Variants in EIF3A observed in about 807,000 individuals in gnomAD.
The protein encoded by EIF3A is EIF3, p180 subunit.
Under a neutral mutation model 186.6 loss-of-function variants are expected in EIF3A, and 21 were observed. That is an observed-to-expected ratio of 0.11 (90% confidence interval 0.08 to 0.16). The LOEUF (loss-of-function observed/expected upper bound fraction) is 0.16, where lower values mean the gene tolerates loss of function less well. EIF3A is among the 10% of genes least tolerant of loss of function. The probability of loss-of-function intolerance (pLI) is 1.00; values close to 1 mark genes in which losing one functional copy is unlikely to be tolerated. For synonymous variants in EIF3A, 563 were observed against 584.3 expected, an observed-to-expected ratio of 0.96 and a Z score of 0.52; for missense variants, 1,306 against 1,796.3, an observed-to-expected ratio of 0.73 and a Z score of 4.93.
At chr10:119,075,666 A>ATATC (rs1166969733) in intron 1 of EIF3A, among the ~76,000 whole-genome samples, 7 of 137,356 alleles carry the variant, frequency 5.1e-5, no homozygotes, top group African/African-American at 8.0e-5. Flanking sequence ...ATATATATAT[A>ATATC]TCTCCTTTTT....
At chr10:119,037,061 C>CT in intron 21 of EIF3A, 58 bp downstream of exon 21, 1 of 37,594 alleles carries the variant, frequency 2.7e-5, no homozygotes, top group African/African-American at 8.1e-5. Context: ...TAACCCAAAT[C>CT]CCCCCCCCCC....
chr10:119,056,298 C>G (rs74157623), intron 14 of EIF3A, among the ~76,000 whole-genome samples: 9,570 of 152,212 alleles, frequency 0.063, 560 homozygotes, highest in African/African-American at 0.16. Flanking sequence ...TGTCCAGAAT[C>G]AGCAAATCTA....
rs539066982 is a variant in EIF3A, at chr10:119,065,428, G to A, written c.1093C>T (p.Pro365Ser). The A allele has an allele frequency of 6.2e-7, 1 of 1,613,276 alleles. No individual in the cohort carries two copies. Among genetic ancestry groups the A allele is most frequent in the Non-Finnish European group, 8.5e-7 (1 of 1,179,550 alleles). ...LATLLGLQAP[P>S]TRIGLINDMV... The stretch of plus-strand genomic sequence containing the variant: ...TCATTAATAAGGCCAATTCGTGTCG[G>A]TGGGGCTTGAAGACCTAGTAGTGTT... Residue 365 changes from proline to serine, a missense_variant, in exon 7 of 22, where the codon CCG (proline) becomes TCG (serine). Coordinates refer to ENST00000369144, the MANE Select transcript of EIF3A (RefSeq NM_003750.4).
intron 20 of EIF3A, 94 bp from the exon 21 acceptor site, chr10:119,037,403 CA>C: frequency 2.5e-5 from 28 of 1,116,156 alleles, no homozygotes; most frequent in Non-Finnish European, 3.6e-5. Context: ...TTAGAGTTTA[CA>C]AATATAACAG....
At chr10:119,046,494 CTG>C in intron 17 of EIF3A, among the ~76,000 whole-genome samples, 1 of 152,120 alleles carries the variant, frequency 6.6e-6, no homozygotes, top group Non-Finnish European at 1.5e-5. Flanking sequence ...CTTAAAGTAA[CTG>C]TTAAGTGAGT....
Position 119,057,986 on chromosome 10 carries a change from A to T in EIF3A, c.1947T>A (p.Gly649=). The change falls in exon 12 of 22, where the codon GGT becomes GGA. Residue 649 remains glycine (G), a synonymous_variant. Coordinates refer to ENST00000369144, the MANE Select transcript of EIF3A (RefSeq NM_003750.4). The part of the protein sequence containing the change: ...RLEQIKKTEL[G]AKAFKDIDIE... ...TATCAATATCTTTGAATGCTTTGGCACCCAGTTCTGTTTTCTTGATCTGCT... is the reference window on the plus strand; with the variant it reads ...TATCAATATCTTTGAATGCTTTGGCTCCCAGTTCTGTTTTCTTGATCTGCT... The T allele has an allele frequency of 2.5e-6, 4 of 1,613,394 alleles. No homozygotes were observed. The highest frequency in any genetic ancestry group is 1.7e-4 in the Middle Eastern group (1 of 6,058).
rs950974677 is a variant in EIF3A, at chr10:119,080,762, G to C, written c.-86C>G. ...AGGAGACGAAGGGGAACCAGCGTAA[G>C]GTCCCACGCGCCTCGCCAGCAGTCG... On this transcript the variant is annotated 5_prime_UTR_variant, in exon 1 of 22. Coordinates refer to ENST00000369144, the MANE Select transcript of EIF3A (RefSeq NM_003750.4). 1 of 1,504,754 alleles carries C rather than the reference G, an allele frequency of 6.6e-7. No individual in the cohort carries two copies. 93.2% of individuals were successfully genotyped at this position (1,504,754 alleles called of 1,614,324 possible). A position where few individuals can be genotyped will look rare whatever the true frequency, so the allele number is the denominator to read the frequency against.
At position 119,061,212 on chromosome 10, in the gene EIF3A, A is replaced by G. The variant is rs374931153; in HGVS notation, c.1227+12T>C. ...CTGTGGTAACAACCAGAACTTAAAT[A>G]CAAAGGCTTACCTTTGTGACTCGCT... On this transcript the variant is annotated intron_variant, in intron 8 of 21. Coordinates refer to ENST00000369144, the MANE Select transcript of EIF3A (RefSeq NM_003750.4). 9.5e-6 allele frequency: 14 copies of G among 1,470,886 alleles called. No individual in the cohort carries two copies. The Middle Eastern group carries it at 5.3e-4, about 55-fold the overall frequency. 91.1% of individuals were successfully genotyped at this position (1,470,886 alleles called of 1,614,324 possible).
intron 8 of EIF3A, 95 bp downstream of exon 8, chr10:119,061,129 G>A (rs1843878044): frequency 6.1e-6 from 4 of 653,782 alleles, no homozygotes; most frequent in Non-Finnish European, 7.8e-6. Flanking sequence ...CAACACATAG[G>A]ACAAAACTTC....
In EIF3A at chr10:119,080,720, G is replaced by A. The variant is rs1844251876; in HGVS notation, c.-44C>T. ...TCACCCGGCGTCAGCGAACTCTCTA[G>A]TGGCCCGGGCCGGGAGAGGAGACGA... On this transcript the variant is annotated 5_prime_UTR_variant, in exon 1 of 22. Coordinates refer to ENST00000369144, the MANE Select transcript of EIF3A (RefSeq NM_003750.4). The A allele has an allele frequency of 6.4e-7, 1 of 1,564,948 alleles. No homozygotes were observed. Among genetic ancestry groups the A allele is most frequent in the African/African-American group, 1.4e-5 (1 of 72,142 alleles).
Position 119,058,290 on chromosome 10 carries a change from T to C in EIF3A, c.1643A>G (p.Glu548Gly). The change falls in exon 12 of 22, where the codon GAA (glutamate) becomes GGA (glycine). Residue 548 changes from glutamate to glycine, a missense_variant. Physicochemically the swap from Glu to Gly is moderately conservative, Grantham distance 98. Transcript: ENST00000369144. ...KPAHILQEKE[E>G]QHQLAVTAYL... is the part of the protein sequence containing the mutation. ...TGCAGTGACAGCCAACTGATGCTGTTCTTCTTTCTCTTGCTTCAAAAACAA... is the reference window on the plus strand; with the variant it reads ...TGCAGTGACAGCCAACTGATGCTGTCCTTCTTTCTCTTGCTTCAAAAACAA... 1 of 1,577,206 alleles carries C rather than the reference T, an allele frequency of 6.3e-7. No homozygotes were observed. Among genetic ancestry groups the C allele is most frequent in the Non-Finnish European group, 8.6e-7 (1 of 1,163,216 alleles).
At chr10:119,040,214 G>A (rs1848189476) in intron 19 of EIF3A, among the ~76,000 whole-genome samples, 1 of 152,166 alleles carries the variant, frequency 6.6e-6, no homozygotes, top group South Asian at 2.1e-4. Context: ...GAGTAAGAGA[G>A]GCAGCAAAAA....
At chr10:119,041,050 T>G (rs1271555905) in intron 19 of EIF3A, among the ~76,000 whole-genome samples, 1 of 146,530 alleles carries the variant, frequency 6.8e-6, no homozygotes, top group Non-Finnish European at 1.5e-5. Context: ...TGGTGGCATG[T>G]GCCTGTAGTC....
rs1848367766 is a variant in EIF3A at position 119,052,368 on chromosome 10, T to TGTG, written c.2197-1048_2197-1047insCAC. 7.1e-3 allele frequency among the ~76,000 whole-genome samples: 874 copies of TGTG among 123,046 alleles called. 11 individuals are homozygous for TGTG. Among genetic ancestry groups the TGTG allele is most frequent in the African/African-American group, 0.023 (767 of 34,038 alleles). The allele number at this position is 123,046 out of a possible 152,430, so 80.7% of individuals were successfully genotyped here. On this transcript the variant is annotated intron_variant, in intron 14 of 21. Coordinates refer to ENST00000369144, the MANE Select transcript of EIF3A (RefSeq NM_003750.4). ...CTTCAGGTTATAGTCTTTTTTGGTT[T>TGTG]TGTGTGTGTGTGTGTGTGTGTGTGT...
intron 1 of EIF3A, among the ~76,000 whole-genome samples, chr10:119,076,296 G>A (rs1844172010): frequency 7.1e-6 from 1 of 140,500 alleles, no homozygotes; most frequent in South Asian, 2.3e-4. Context: ...TAGCGCCACT[G>A]TACTCCAGCC....
At position 119,038,211 on chromosome 10, in the gene EIF3A, A is replaced by G. The variant is rs1253303077; in HGVS notation, c.3728+27T>C. The G allele has an allele frequency of 2.5e-6, 4 of 1,600,096 alleles. No individual in the cohort carries two copies. The East Asian group carries it at 6.7e-5, about 27-fold the overall frequency. The stretch of plus-strand genomic sequence containing the variant: ...GCATGAGCCACTGCGCCCGGCCTCT[A>G]CAAATAATTTAATTAGAGCATCACA... On this transcript the variant is annotated intron_variant, in intron 20 of 21. Coordinates refer to ENST00000369144, the MANE Select transcript of EIF3A (RefSeq NM_003750.4).
intron 9 of EIF3A, 35 bp from the exon 10 acceptor site, chr10:119,059,753 A>G: frequency 7.3e-7 from 1 of 1,376,958 alleles, no homozygotes; most frequent in Non-Finnish European, 1.0e-6. Flanking sequence ...AACACTAGCC[A>G]CTGTTTATTC....
chr10:119,052,827 A>T (rs1289393132), intron 14 of EIF3A, among the ~76,000 whole-genome samples: 1 of 152,180 alleles, frequency 6.6e-6, no homozygotes, highest in East Asian at 1.9e-4. Context: ...TCCTCCCACG[A>T]ATCACAAATG....
At chr10:119,072,675 G>C (rs911999072) in intron 4 of EIF3A, among the ~76,000 whole-genome samples, 2 of 152,150 alleles carry the variant, frequency 1.3e-5, no homozygotes, top group African/African-American at 4.8e-5. Context: ...GGCCGCTCTT[G>C]AACTCCTGAC....
Sources: gnomAD v4.1 joint callset for allele counts (sites outside exome capture counted in the v4.1 genomes callset) on GRCh38, gnomAD v4.1.1 for gene constraint, MANE v1.5 for transcripts, NCBI Gene and HGNC (gene_info 2026-07-23, HGNC 2026-07-21) for gene names.